The following ADAMTS3 variants were observed in gnomAD, a reference collection of about 807,000 sequenced individuals.
The protein encoded by ADAMTS3 is A disintegrin and metalloproteinase with thrombospondin motifs 3.
In ADAMTS3, 73 loss-of-function variants were observed where a neutral mutation model predicts 129.0. The observed-to-expected ratio is 0.57, with a 90% CI of 0.47 to 0.69. The LOEUF is 0.69. Ranked by LOEUF, ADAMTS3 falls within the 30% of genes least tolerant of loss-of-function variation. The pLI is 0.00. For missense variants in ADAMTS3, 1,457 were observed against 1,514.5 expected (o/e 0.96, Z 0.63); for synonymous variants, 477 against 510.8 (o/e 0.93, Z 0.89).
chr4:72,326,948 T>C lies in ADAMTS3; in HGVS notation c.862-3851A>G, dbSNP rs565928181. On this transcript the variant is annotated intron_variant, in intron 5 of 21. Coordinates refer to ENST00000286657, the MANE Select transcript of ADAMTS3 (RefSeq NM_014243.3). ...CAAAGGACAAGCTGCTTCATACACC[T>C]GAATGTGCTTACATACCAGTCAGTA... Among the ~76,000 whole-genome samples, 17 of 152,248 alleles carry C rather than the reference T, an allele frequency of 1.1e-4. No homozygotes were observed. The East Asian group carries it at 3.3e-3, about 29-fold the overall frequency.
At chr4:72,396,962 C>G (rs1721741099) in intron 4 of ADAMTS3, among the ~76,000 whole-genome samples, 1 of 152,050 alleles carries the variant, frequency 6.6e-6, no homozygotes, top group Admixed American at 6.6e-5. Context: ...AAAATGTCTG[C>G]CCTGATTCTT....
At chr4:72,352,016 T>C (rs749614340) in intron 4 of ADAMTS3, among the ~76,000 whole-genome samples, 2 of 152,034 alleles carry the variant, frequency 1.3e-5, no homozygotes, top group East Asian at 1.9e-4. Flanking sequence ...AAAAAAATCA[T>C]CTTGTGATAA....
At chr4:72,479,992 G>C (rs1394977676) in intron 3 of ADAMTS3, among the ~76,000 whole-genome samples, 1 of 152,066 alleles carries the variant, frequency 6.6e-6, no homozygotes, top group Admixed American at 6.5e-5. Context: ...AAACCACAAT[G>C]AGATACCATC....
intron 2 of ADAMTS3, among the ~76,000 whole-genome samples, chr4:72,558,861 T>G (rs1304854040): frequency 6.6e-6 from 1 of 151,724 alleles, no homozygotes; most frequent in Non-Finnish European, 1.5e-5. Flanking sequence ...CAGTGAATGA[T>G]TCAAGCTTAT....
At chr4:72,494,570 T>G (rs1719826734) in intron 3 of ADAMTS3, among the ~76,000 whole-genome samples, 1 of 152,220 alleles carries the variant, frequency 6.6e-6, no homozygotes, top group Admixed American at 6.5e-5. Flanking sequence ...GTTCATAGAC[T>G]TCCATTTCTT....
chr4:72,343,197 T>C (rs1162192907), intron 4 of ADAMTS3, among the ~76,000 whole-genome samples: 1 of 152,148 alleles, frequency 6.6e-6, no homozygotes, highest in East Asian at 1.9e-4. Context: ...GCTTTCCACC[T>C]GGCCAGTGCC....
chr4:72,506,390 T>C (rs1300143163), intron 3 of ADAMTS3, among the ~76,000 whole-genome samples: 5 of 152,130 alleles, frequency 3.3e-5, no homozygotes, highest in Non-Finnish European at 5.9e-5. Context: ...AGAACTGTGA[T>C]TGGGGGAGGG....
At position 72,452,445 on chromosome 4, in the gene ADAMTS3, C is replaced by G. The variant is rs1560520673; in HGVS notation, c.505-37474G>C. On this transcript the variant is annotated intron_variant, in intron 3 of 21. Coordinates refer to ENST00000286657, the MANE Select transcript of ADAMTS3 (RefSeq NM_014243.3). ...CCAATTACCTCAAAAAAGTACAAGC[C>G]AGAACTCAGGTGACTTATGTTTCAA... 2.0e-5 allele frequency among the ~76,000 whole-genome samples: 3 copies of G among 151,684 alleles called. No individual in the cohort carries two copies. In the South Asian group the frequency reaches 6.2e-4, roughly 32 times the overall value.
chr4:72,319,962 T>G lies in ADAMTS3; in HGVS notation c.1104A>C (p.Gly368=), dbSNP rs112589192. The G allele has an allele frequency of 1.2e-5, 20 of 1,608,602 alleles. 1 individual carries two copies. In the African/African-American group the frequency reaches 1.3e-4, roughly 11 times the overall value. Residue 368 remains glycine (G), a splice_region_variant and synonymous_variant, in exon 8 of 22, where the codon GGA becomes GGC. Transcript: ENST00000286657. ...RQDFGPAGMQ[G]YAPVTGMCHP... ...GACACATGCCGGTGACTGGAGCATA[T>G]CCTGTAGAGAATAACAATTACTTTT...
chr4:72,284,636 C>T (rs1199827853), intron 21 of ADAMTS3, among the ~76,000 whole-genome samples: 5 of 152,066 alleles, frequency 3.3e-5, no homozygotes, highest in Admixed American at 3.3e-4. Flanking sequence ...TACTTAGTAA[C>T]ACTCATAAAA....
Position 72,293,915 on chromosome 4 carries a change from A to G in ADAMTS3, c.2723+1739T>C, listed in dbSNP as rs528165395. On this transcript the variant is annotated intron_variant, in intron 19 of 21. Coordinates refer to ENST00000286657, the MANE Select transcript of ADAMTS3 (RefSeq NM_014243.3). ...AATGCCTTGAAAAAGAAATACTTGA[A>G]TAGATCTCTTGAATATTAATGATAT... is the stretch of plus-strand genomic sequence containing the variant. Among the ~76,000 whole-genome samples the G allele has an allele frequency of 4.1e-4, 63 of 152,252 alleles. 2 individuals carry two copies. The South Asian group carries it at 0.011, about 27-fold the overall frequency.
At chr4:72,440,128 A>G (rs979212600) in intron 3 of ADAMTS3, among the ~76,000 whole-genome samples, 1 of 151,758 alleles carries the variant, frequency 6.6e-6, no homozygotes, top group African/African-American at 2.4e-5. Flanking sequence ...GTTACTGCCT[A>G]AAAAAATGGT....
At chr4:72,328,438 A>C (rs1291897129) in intron 5 of ADAMTS3, among the ~76,000 whole-genome samples, 1 of 152,168 alleles carries the variant, frequency 6.6e-6, no homozygotes, top group African/African-American at 2.4e-5. Context: ...GCTTCAACAA[A>C]GCAACACTCA....
At chr4:72,329,419 A>G (rs1260114294) in intron 5 of ADAMTS3, among the ~76,000 whole-genome samples, 4 of 152,192 alleles carry the variant, frequency 2.6e-5, no homozygotes, top group African/African-American at 9.7e-5. Context: ...CGAAAGCTCA[A>G]CATATATTAG....
intron 4 of ADAMTS3, among the ~76,000 whole-genome samples, chr4:72,371,796 C>A (rs1395386630): frequency 6.6e-6 from 1 of 151,852 alleles, no homozygotes; most frequent in Non-Finnish European, 1.5e-5. Context: ...TGGTAACAAA[C>A]AGCATTGTAC....
chr4:72,453,569 C>T (rs1013746524), intron 3 of ADAMTS3, among the ~76,000 whole-genome samples: 9 of 151,470 alleles, frequency 5.9e-5, no homozygotes, highest in African/African-American at 2.2e-4. Flanking sequence ...GGATTCAAGT[C>T]CAAGCAATCA....
intron 5 of ADAMTS3, among the ~76,000 whole-genome samples, chr4:72,335,389 G>A (rs1261162187): frequency 6.6e-6 from 1 of 152,110 alleles, no homozygotes; most frequent in African/African-American, 2.4e-5. Flanking sequence ...AAATATATTT[G>A]TATCCAAAAG....
intron 2 of ADAMTS3, among the ~76,000 whole-genome samples, chr4:72,564,072 A>T (rs1180117587): frequency 1.3e-5 from 2 of 152,186 alleles, no homozygotes; most frequent in Non-Finnish European, 2.9e-5. Context: ...ATTGGGATGT[A>T]ATGGAATTTG....
chr4:72,489,159 T>C (rs1304428679), intron 3 of ADAMTS3, among the ~76,000 whole-genome samples: 1 of 151,944 alleles, frequency 6.6e-6, no homozygotes, highest in Non-Finnish European at 1.5e-5. Flanking sequence ...TCCCTATCCA[T>C]TCATACATTG....
Sources: allele counts gnomAD v4.1 joint callset (sites outside exome capture counted in the v4.1 genomes callset), GRCh38; gene constraint gnomAD v4.1.1; transcripts MANE v1.5; gene names NCBI Gene and HGNC (gene_info 2026-07-23, HGNC 2026-07-21).